ATP11A: variants seen among roughly 807,000 people sequenced by gnomAD.
ATP11A encodes the protein ATPase phospholipid transporting 11A.
In ATP11A, 81 loss-of-function variants were observed where a neutral mutation model predicts 154.4. That is an observed-to-expected ratio of 0.52 (90% CI 0.44 to 0.63). The LOEUF (loss-of-function observed/expected upper bound fraction) is 0.63. Among genes scored for constraint, ATP11A ranks in the 30% least tolerant of loss-of-function variants. The probability of loss-of-function intolerance (pLI) is 0.00; values close to 1 mark genes in which losing one functional copy is unlikely to be tolerated. For missense variants in ATP11A, 1,316 were observed against 1,474.3 expected, an observed-to-expected ratio of 0.89 and a Z score of 1.76; for synonymous variants, 623 against 585.9, an observed-to-expected ratio of 1.06 and a Z score of -0.91.
At chr13:112,856,290 C>G (rs1380126613) in intron 20 of ATP11A, 2 of 510,204 alleles carry the variant, frequency 3.9e-6, no homozygotes, top group Non-Finnish European at 6.9e-6. Context: ...GATGACCAGT[C>G]AGATGTATGA....
intron 1 of ATP11A, among the ~76,000 whole-genome samples, chr13:112,736,081 T>C (rs1309322376): frequency 6.6e-6 from 1 of 152,180 alleles, no homozygotes. Flanking sequence ...CCCTTTGACC[T>C]TGCTTAAGGA....
intron 1 of ATP11A, among the ~76,000 whole-genome samples, chr13:112,705,767 G>T (rs1251079035): frequency 6.6e-6 from 1 of 152,080 alleles, no homozygotes; most frequent in Non-Finnish European, 1.5e-5. Context: ...AATATTATAC[G>T]GCCAAAGGAG....
chr13:112,873,770 G>A, intron 27 of ATP11A, 94 bp downstream of exon 27: 2 of 1,237,878 alleles, frequency 1.6e-6, no homozygotes, highest in Non-Finnish European at 2.3e-6. Flanking sequence ...GTGCGGCCCT[G>A]TTGGTTGGGG....
chr13:112,882,574 G>A lies in ATP11A; in HGVS notation c.*708G>A, dbSNP rs957161948. The A allele has an allele frequency of 3.2e-5, 13 of 411,978 alleles. No individual in the cohort carries two copies. The highest frequency in any genetic ancestry group is 8.2e-5 in the Admixed American group (2 of 24,400). The allele number at this position is 411,978 out of a possible 1,614,324, so 25.5% of individuals were successfully genotyped here. On this transcript the variant is annotated 3_prime_UTR_variant, in exon 30 of 30. Coordinates refer to ENST00000375645, the MANE Select transcript of ATP11A (RefSeq NM_015205.3). The surrounding 1 kb of genome is among the most constrained non-coding windows in gnomAD (Gnocchi z 5.1). The stretch of plus-strand genomic sequence containing the variant: ...GCTCATCTGGGAGTGGTTTCCCTGC[G>A]GTTACGTCCAAGCCCGCCTGCCCTG...
intron 26 of ATP11A, among the ~76,000 whole-genome samples, chr13:112,872,779 C>A: frequency 6.7e-6 from 1 of 149,856 alleles, no homozygotes. Flanking sequence ...GTGGCGTCCC[C>A]ACATTCTTCC....
At position 112,698,738 on chromosome 13, in the gene ATP11A, GA is replaced by G. The variant is rs768081457; in HGVS notation, c.39+8284del. On this transcript the variant is annotated intron_variant, in intron 1 of 29. Transcript: ENST00000375645. ...TTTATCTTTATTTATTTATTTTTGA[GA>G]CAAGGTCTCACTCTGTCACCCAGGC... 1.3e-3 allele frequency among the ~76,000 whole-genome samples: 83 copies of G among 65,858 alleles called. 2 individuals carry two copies. The highest frequency in any genetic ancestry group is 9.2e-4 in the Non-Finnish European group (18 of 19,528). 43.2% of individuals were successfully genotyped at this position (65,858 alleles called of 152,430 possible).
rs149814278 is a variant in ATP11A, at chr13:112,878,264, T to C, written c.3375T>C (p.Leu1125=). The C allele has an allele frequency of 9.0e-5, 146 of 1,614,238 alleles. 1 individual carries two copies. In the African/African-American group the frequency reaches 1.7e-3, roughly 18 times the overall value. Residue 1125 remains leucine (L), a synonymous_variant, in exon 29 of 30, where the codon CTT becomes CTC. Transcript: ENST00000375645. ...LSVEQSTIFM[L]SQTSSSLSF is the part of the protein sequence containing the mutation. Reference sequence around the variant, plus strand: ...TCGAGCAGTCAACCATCTTTATGCTTTCTCAGACTTCCAGCAGCCTGAGTT... The same window carrying C: ...TCGAGCAGTCAACCATCTTTATGCTCTCTCAGACTTCCAGCAGCCTGAGTT...
intron 13 of ATP11A, 55 bp from the exon 14 acceptor site, chr13:112,832,805 C>CT (rs2079132133): frequency 3.8e-6 from 6 of 1,578,286 alleles, no homozygotes; most frequent in South Asian, 3.5e-5. Flanking sequence ...CTGTTTCCCT[C>CT]TATCTTCAGT....
intron 7 of ATP11A, 71 bp from the exon 8 acceptor site, chr13:112,819,829 G>A: frequency 1.9e-6 from 3 of 1,546,758 alleles, no homozygotes; most frequent in Non-Finnish European, 2.7e-6. Context: ...CAGAAGGCAG[G>A]TGGGCCAGGC....
intron 1 of ATP11A, among the ~76,000 whole-genome samples, chr13:112,780,788 G>C (rs2077479169): frequency 6.6e-6 from 1 of 152,170 alleles, no homozygotes; most frequent in Admixed American, 6.5e-5. Flanking sequence ...TAGGAAACCT[G>C]TTACTTGACA....
intron 1 of ATP11A, among the ~76,000 whole-genome samples, chr13:112,762,478 T>G (rs190592817): frequency 3.5e-4 from 53 of 152,154 alleles, no homozygotes; most frequent in African/African-American, 1.3e-3. Flanking sequence ...AATCACTTGT[T>G]GACAGGAGGT....
At chr13:112,739,921 C>A (rs1891359613) in intron 1 of ATP11A, among the ~76,000 whole-genome samples, 1 of 151,968 alleles carries the variant, frequency 6.6e-6, no homozygotes, top group African/African-American at 2.4e-5. Flanking sequence ...ATGTCCAGAA[C>A]TGGCAAATTT....
chr13:112,876,270 A>C (rs772642146), intron 28 of ATP11A, among the ~76,000 whole-genome samples: 4 of 152,170 alleles, frequency 2.6e-5, no homozygotes, highest in Non-Finnish European at 5.9e-5. Context: ...GAATTACATA[A>C]TTTTTAAGGA....
chr13:112,849,186 C>T (rs1048276147), intron 17 of ATP11A, among the ~76,000 whole-genome samples: 3 of 152,176 alleles, frequency 2.0e-5, no homozygotes, highest in South Asian at 2.1e-4. Context: ...CTGGAATAAA[C>T]CCCACTTGGT....
intron 1 of ATP11A, among the ~76,000 whole-genome samples, chr13:112,705,871 G>A (rs1453319524): frequency 1.3e-5 from 2 of 152,138 alleles, no homozygotes; most frequent in Non-Finnish European, 2.9e-5. Context: ...TGATTTATAG[G>A]TAATTTTTTT....
intron 1 of ATP11A, among the ~76,000 whole-genome samples, chr13:112,761,530 G>A (rs1056600481): frequency 2.0e-5 from 3 of 152,130 alleles, no homozygotes; most frequent in East Asian, 1.9e-4. Flanking sequence ...ATAGGATTCG[G>A]TACTCTATTG....
chr13:112,754,204 G>T lies in ATP11A; in HGVS notation c.40-30931G>T, dbSNP rs898918005. Among the ~76,000 whole-genome samples the T allele has an allele frequency of 4.6e-5, 7 of 152,198 alleles. No individual in the cohort carries two copies. The highest frequency in any genetic ancestry group is 1.4e-4 in the African/African-American group (6 of 41,448). On this transcript the variant is annotated intron_variant, in intron 1 of 29. Coordinates refer to ENST00000375645, the MANE Select transcript of ATP11A (RefSeq NM_015205.3). The surrounding 1 kb of genome is among the most constrained non-coding windows in gnomAD (Gnocchi z 5.3). ...TGGGGTCTGGGAAATTCGTTTTCTC[G>T]CAGAAGGCAGAGAAGGCCGTGGAAT...
intron 6 of ATP11A, among the ~76,000 whole-genome samples, chr13:112,817,035 T>G (rs772342158): frequency 3.3e-5 from 5 of 152,244 alleles, no homozygotes; most frequent in Non-Finnish European, 7.3e-5. Flanking sequence ...AGTAATTTCC[T>G]GCACTCAGTA....
At chr13:112,818,942 G>A (rs9577846) in intron 6 of ATP11A, among the ~76,000 whole-genome samples, 42,286 of 152,094 alleles carry the variant, frequency 0.28, 6,049 homozygotes, top group Middle Eastern at 0.33. Context: ...TCCTGTGACC[G>A]CTCCCCGTAA....
Sources: allele counts gnomAD v4.1 joint callset (sites outside exome capture counted in the v4.1 genomes callset), GRCh38; gene constraint gnomAD v4.1.1; non-coding constraint Gnocchi (gnomAD v3.1); transcripts MANE v1.5; gene names NCBI Gene and HGNC (gene_info 2026-07-23, HGNC 2026-07-21).